SP1: variants seen among roughly 807,000 people sequenced by gnomAD.
SP1 encodes transcription factor Sp1.
Under a neutral mutation model 66.3 loss-of-function variants are expected in SP1, and 6 were observed. The observed-to-expected ratio is 0.09, with a 90% confidence interval of 0.05 to 0.18. The LOEUF is 0.18. SP1 is among the 10% of genes least tolerant of loss of function. The pLI is 1.00. For synonymous variants in SP1, 417 were observed against 360.8 expected, an observed-to-expected ratio of 1.16 and a Z score of -1.77; for missense variants, 848 against 964.5, an observed-to-expected ratio of 0.88 and a Z score of 1.60.
At chr12:53,404,505 G>T (rs1291161083) in intron 3 of SP1, among the ~76,000 whole-genome samples, 1 of 148,748 alleles carries the variant, frequency 6.7e-6, no homozygotes, top group Non-Finnish European at 1.5e-5. Flanking sequence ...TTGTGCCATT[G>T]CACTCCAGCC....
At chr12:53,403,416 A>G (rs768322981) in intron 3 of SP1, among the ~76,000 whole-genome samples, 25 of 152,186 alleles carry the variant, frequency 1.6e-4, no homozygotes, top group Non-Finnish European at 2.6e-4. Context: ...GCAGTTGTAC[A>G]ATCAGGACTC....
rs775570756 is a variant in SP1, at chr12:53,383,333, C to T, written c.1386C>T (p.Val462=). 6.2e-7 allele frequency: 1 copy of T among 1,614,204 alleles called. No homozygotes were observed. The highest frequency in any genetic ancestry group is 8.5e-7 in the Non-Finnish European group (1 of 1,180,036). Residue 462 remains valine (V), a synonymous_variant, in exon 3 of 6, where the codon GTC becomes GTT. Coordinates refer to ENST00000327443, the MANE Select transcript of SP1 (RefSeq NM_138473.3). ...RTPTVGPNGQ[V]SWQTLQLQNL... is the part of the protein sequence containing the mutation. ...CAACAGTGGGGCCCAATGGACAGGT[C>T]AGTTGGCAGACTCTACAGCTGCAGA...
At chr12:53,396,276 A>G (rs1938486874) in intron 3 of SP1, among the ~76,000 whole-genome samples, 1 of 146,474 alleles carries the variant, frequency 6.8e-6, no homozygotes, top group South Asian at 2.1e-4. Flanking sequence ...CTCCGTCTCA[A>G]AAAAAAAAAA....
intron 3 of SP1, among the ~76,000 whole-genome samples, chr12:53,384,097 G>A (rs1475623853): frequency 1.3e-5 from 2 of 150,902 alleles, no homozygotes; most frequent in Non-Finnish European, 2.9e-5. Context: ...AGCCTCCCGA[G>A]TGGCTGGGAC....
At chr12:53,390,640 A>G (rs1226138160) in intron 3 of SP1, among the ~76,000 whole-genome samples, 1 of 151,924 alleles carries the variant, frequency 6.6e-6, no homozygotes, top group African/African-American at 2.4e-5. Context: ...CCGGGATCGC[A>G]CCACTGCACT....
At chr12:53,408,017 C>T (rs1382393195) in intron 4 of SP1, among the ~76,000 whole-genome samples, 1 of 141,594 alleles carries the variant, frequency 7.1e-6, no homozygotes, top group Admixed American at 7.0e-5. Context: ...GAGGCCAAGG[C>T]GGGCGGATCA....
chr12:53,392,007 T>C (rs150317717), intron 3 of SP1, among the ~76,000 whole-genome samples: 1 of 152,152 alleles, frequency 6.6e-6, no homozygotes, highest in Non-Finnish European at 1.5e-5. Flanking sequence ...TGGTTGCAAA[T>C]CTGTGCTGTA....
At position 53,382,436 on chromosome 12, in the gene SP1, A is replaced by T. The variant is rs752385989; in HGVS notation, c.489A>T (p.Gly163=). ...TACAGAACCAGCAAGTTCTGACAGG[A>T]CTACCTGGAGTGATGCCTAATATTC... ...PNLQNQQVLT[G]LPGVMPNIQY... is the part of the protein sequence containing the mutation. The change falls in exon 3 of 6, where the codon GGA becomes GGT. Residue 163 remains glycine, a synonymous_variant. Coordinates refer to ENST00000327443, the MANE Select transcript of SP1 (RefSeq NM_138473.3). 6.2e-7 allele frequency: 1 copy of T among 1,614,208 alleles called. No homozygotes were observed. The highest frequency in any genetic ancestry group is 1.1e-5 in the South Asian group (1 of 91,082).
chr12:53,388,346 T>C (rs989854932), intron 3 of SP1, among the ~76,000 whole-genome samples: 1 of 152,208 alleles, frequency 6.6e-6, no homozygotes, highest in Non-Finnish European at 1.5e-5. Flanking sequence ...TAAATCATGC[T>C]CTGGGGAAGT....
intron 1 of SP1, chr12:53,380,655 G>A (rs1384381041): frequency 7.8e-5 from 77 of 986,006 alleles, no homozygotes; most frequent in Admixed American, 4.5e-4. Flanking sequence ...GGCCCCGCCC[G>A]GGCCAACCGC....
intron 3 of SP1, among the ~76,000 whole-genome samples, chr12:53,401,457 GAAAAA>G (rs11367408): frequency 2.5e-5 from 2 of 81,108 alleles, no homozygotes; most frequent in Non-Finnish European, 4.9e-5. Context: ...ATCTATCTGG[GAAAAA>G]AAAAAAAAAA....
rs59816754 is a variant in SP1, at chr12:53,394,409, CTTTTTTT to C, written c.1675+10802_1675+10808del. On this transcript the variant is annotated intron_variant, in intron 3 of 5. Transcript: ENST00000327443. ...CTTTTTGTGTTATTTTTAAAAGTAT[CTTTTTTT>C]TTTTTTTTTTTTTTGTGAGGGTATT... 9.1e-4 allele frequency among the ~76,000 whole-genome samples: 104 copies of C among 114,882 alleles called. 3 individuals are homozygous for C. The highest frequency in any genetic ancestry group is 6.3e-3 in the Admixed American group (70 of 11,060). 75.4% of individuals were successfully genotyped at this position (114,882 alleles called of 152,430 possible).
chr12:53,381,587 C>T (rs1938098405), intron 1 of SP1, 72 bp from the exon 2 acceptor site: 3 of 1,383,958 alleles, frequency 2.2e-6, no homozygotes, highest in Non-Finnish European at 2.9e-6. Flanking sequence ...TCATCATAGC[C>T]TCCTTTTATC....
intron 3 of SP1, among the ~76,000 whole-genome samples, chr12:53,405,297 T>C (rs1224896751): frequency 6.6e-6 from 1 of 152,144 alleles, no homozygotes; most frequent in African/African-American, 2.4e-5. Flanking sequence ...CTGGTTCAAA[T>C]TAGATGTACA....
rs1420589340 is a variant in SP1, at chr12:53,416,072, TTC to T, written c.*4838_*4839del. ...CTGGTGCCTAAAAACCCAAGTTTATTTCTCTCTTAACACTGGCAATAACCAGT... is the reference window on the plus strand; with the variant it reads ...CTGGTGCCTAAAAACCCAAGTTTATTTCTCTTAACACTGGCAATAACCAGT... On this transcript the variant is annotated 3_prime_UTR_variant, in exon 6 of 6. Transcript: ENST00000327443. 5.2e-5 allele frequency: 8 copies of T among 152,616 alleles called. No homozygotes were observed. The highest frequency in any genetic ancestry group is 9.7e-5 in the African/African-American group (4 of 41,446). 9.5% of individuals were successfully genotyped at this position (152,616 alleles called of 1,614,324 possible).
rs957720153 is a variant in SP1, at chr12:53,413,682, C to T, written c.*2442C>T. On this transcript the variant is annotated 3_prime_UTR_variant, in exon 6 of 6. Transcript: ENST00000327443. ...GTTATTTTATGTCTGTAATCATGTA[C>T]TTTGGCATCTTTTGGAGGAAAGGGG... is the stretch of plus-strand genomic sequence containing the variant. The T allele has an allele frequency of 6.6e-6, 1 of 152,512 alleles. No homozygotes were observed. The highest frequency in any genetic ancestry group is 1.9e-4 in the East Asian group (1 of 5,194). 9.4% of individuals were successfully genotyped at this position (152,512 alleles called of 1,614,324 possible). A position where few individuals can be genotyped will look rare whatever the true frequency, so the allele number is the denominator to read the frequency against.
intron 1 of SP1, chr12:53,381,354 TC>T (rs1239195549): frequency 4.7e-6 from 1 of 211,344 alleles, no homozygotes; most frequent in Non-Finnish European, 9.4e-6. Context: ...GGATACTTTT[TC>T]TTATTTAGAA....
Position 53,383,226 on chromosome 12 carries a change from A to C in SP1, c.1279A>C (p.Thr427Pro). The C allele has an allele frequency of 6.2e-7, 1 of 1,614,034 alleles. No homozygotes were observed. The change falls in exon 3 of 6, where the codon ACT becomes CCT. Residue 427 changes from threonine (T) to proline (P), a missense_variant. Coordinates refer to ENST00000327443, the MANE Select transcript of SP1 (RefSeq NM_138473.3). ...ACCATTGTCAGGGCAGACCTTTACAACTCAAGCCATCTCCCAGGAAACCCT... is the reference window on the plus strand; with the variant it reads ...ACCATTGTCAGGGCAGACCTTTACACCTCAAGCCATCTCCCAGGAAACCCT... ...AAPLSGQTFTTQAISQETLQN... is the reference protein window; with the variant it reads ...AAPLSGQTFTPQAISQETLQN...
intron 1 of SP1, 30 bp from the exon 2 acceptor site, chr12:53,381,629 T>A: frequency 6.3e-7 from 1 of 1,580,170 alleles, no homozygotes. Flanking sequence ...TTCCCTCAAG[T>A]TTACGTTGTT....
Sources: gnomAD v4.1 joint callset for allele counts (sites outside exome capture counted in the v4.1 genomes callset) on GRCh38, gnomAD v4.1.1 for gene constraint, MANE v1.5 for transcripts, NCBI Gene and HGNC (gene_info 2026-07-23, HGNC 2026-07-21) for gene names.